The following SENP7 variants were observed in gnomAD, a reference collection of about 807,000 sequenced individuals.
SENP7 encodes SUMO specific peptidase 7, also known as sentrin-specific protease 7.
A neutral mutation model predicts 141.2 loss-of-function variants in SENP7; 64 were observed. That is an observed-to-expected ratio of 0.45 (90% CI 0.37 to 0.56). The LOEUF (loss-of-function observed/expected upper bound fraction) is 0.56. Among genes scored for constraint, SENP7 ranks in the 20% least tolerant of loss-of-function variants. The pLI is 0.00. For missense variants in SENP7, 1,025 were observed against 1,212.2 expected, an observed-to-expected ratio of 0.85 and a Z score of 2.29; for synonymous variants, 382 against 426.4, an observed-to-expected ratio of 0.90 and a Z score of 1.28.
At chr3:101,476,177 T>G (rs1051355215) in intron 3 of SENP7, among the ~76,000 whole-genome samples, 1 of 152,144 alleles carries the variant, frequency 6.6e-6, no homozygotes, top group African/African-American at 2.4e-5. Flanking sequence ...AGTATACATG[T>G]GCCATGGTGG....
At chr3:101,450,518 A>G (rs2063088087) in intron 4 of SENP7, among the ~76,000 whole-genome samples, 1 of 152,228 alleles carries the variant, frequency 6.6e-6, no homozygotes, top group South Asian at 2.1e-4. Flanking sequence ...ACTGTCTCTC[A>G]GACCACAGTG....
Position 101,407,447 on chromosome 3 carries a change from T to C in SENP7, c.483-8392A>G, listed in dbSNP as rs186410302. On this transcript the variant is annotated intron_variant, in intron 5 of 23. Transcript: ENST00000394095. ...CTGGAACAAATGGACTTAATGGATA[T>C]ATACAGAACATTCCATCCAACAACC... is the stretch of plus-strand genomic sequence containing the variant. Among the ~76,000 whole-genome samples the C allele has an allele frequency of 6.1e-3, 923 of 152,320 alleles. 4 individuals are homozygous for C. The highest frequency in any genetic ancestry group is 9.9e-3 in the Non-Finnish European group (672 of 68,020).
chr3:101,509,118 C>T (rs1194071779), intron 1 of SENP7, among the ~76,000 whole-genome samples: 1 of 152,024 alleles, frequency 6.6e-6, no homozygotes, highest in Non-Finnish European at 1.5e-5. Flanking sequence ...TATCTCCTAC[C>T]TGATATATAT....
Position 101,450,157 on chromosome 3 carries a change from G to A in SENP7, c.284+8798C>T, listed in dbSNP as rs535879143. ...TAAAGGGATCAATTCAACAAGAAGA[G>A]CTAACTATCCTAAATATATATGCAC... On this transcript the variant is annotated intron_variant, in intron 4 of 23. Coordinates refer to ENST00000394095, the MANE Select transcript of SENP7 (RefSeq NM_020654.5). Among the ~76,000 whole-genome samples, 328 of 152,276 alleles carry A rather than the reference G, an allele frequency of 2.2e-3. 2 individuals carry two copies. The highest frequency in any genetic ancestry group is 7.2e-3 in the African/African-American group (301 of 41,544).
intron 3 of SENP7, among the ~76,000 whole-genome samples, chr3:101,486,086 C>T (rs2064716019): frequency 6.6e-6 from 1 of 152,118 alleles, no homozygotes; most frequent in Non-Finnish European, 1.5e-5. Context: ...AAAATATGAA[C>T]AGAGTCTCCA....
chr3:101,348,518 C>T (rs564343713), intron 12 of SENP7, among the ~76,000 whole-genome samples: 1 of 152,182 alleles, frequency 6.6e-6, no homozygotes, highest in African/African-American at 2.4e-5. Flanking sequence ...TTGGTCAATA[C>T]TATATAAACC....
intron 13 of SENP7, among the ~76,000 whole-genome samples, chr3:101,345,296 T>C (rs113534858): frequency 0.024 from 3,606 of 152,260 alleles, 143 homozygotes; most frequent in African/African-American, 0.082. Flanking sequence ...TAGATTGCTT[T>C]TGGCAGTATG....
At chr3:101,337,910 T>C (rs1238950935) in intron 16 of SENP7, among the ~76,000 whole-genome samples, 2 of 152,042 alleles carry the variant, frequency 1.3e-5, no homozygotes. Flanking sequence ...ATCCAAGCAC[T>C]TTGGGAGGCC....
In SENP7 at chr3:101,337,590, C is replaced by T. The variant is rs1477195790; in HGVS notation, c.2399G>A (p.Arg800Gln). Residue 800 changes from arginine (R) to glutamine (Q), a missense_variant, in exon 17 of 24, where the codon CGA (arginine) becomes CAA (glutamine). Transcript: ENST00000394095. ...GAAAAAGCTACTAAAAATGTGACTT[C>T]GTTCAACAAGTTCATCTGATGCCTT... ...LEKASDELVE[R>Q]SHIFSSFFYK... The T allele has an allele frequency of 3.1e-6, 5 of 1,604,256 alleles. No individual in the cohort carries two copies. The highest frequency in any genetic ancestry group is 2.2e-5 in the East Asian group (1 of 44,538).
At chr3:101,508,035 G>A (rs1052166044) in intron 1 of SENP7, among the ~76,000 whole-genome samples, 3 of 109,770 alleles carry the variant, frequency 2.7e-5, no homozygotes, top group African/African-American at 3.8e-5. Context: ...GCGACAGAGC[G>A]AGACTCCATC....
chr3:101,328,810 T>C lies in SENP7; in HGVS notation c.2752-121A>G, dbSNP rs2107188114. On this transcript the variant is annotated intron_variant, in intron 20 of 23. Transcript: ENST00000394095. ...AAATTTCAAGTAATAGTTATCTTCA[T>C]CATCAAAAGTGAGCTAACTTCATTT... 4.2e-6 allele frequency: 3 copies of C among 719,310 alleles called. No individual in the cohort carries two copies. The Admixed American group carries it at 8.0e-5, about 19-fold the overall frequency. 44.6% of individuals were successfully genotyped at this position (719,310 alleles called of 1,614,324 possible).
chr3:101,454,191 T>A (rs774766306), intron 4 of SENP7, among the ~76,000 whole-genome samples: 3 of 152,178 alleles, frequency 2.0e-5, no homozygotes, highest in East Asian at 1.9e-4. Flanking sequence ...CTAATCCTAG[T>A]TATCTATTCA....
chr3:101,469,830 CAAAAAAAAA>C lies in SENP7; in HGVS notation c.187-10787_187-10779del, dbSNP rs58498056. 5.7e-4 allele frequency among the ~76,000 whole-genome samples: 14 copies of C among 24,734 alleles called. 4 individuals are homozygous for C. The South Asian group carries it at 0.018, about 31-fold the overall frequency. The allele number at this position is 24,734 out of a possible 152,430, so 16.2% of individuals were successfully genotyped here. ...TGGGCGACAGAGCAAGACTCCGTCT[CAAAAAAAAA>C]AAAAAAAAAAAAAGAACAGAAATCA... On this transcript the variant is annotated intron_variant, in intron 3 of 23. Coordinates refer to ENST00000394095, the MANE Select transcript of SENP7 (RefSeq NM_020654.5).
chr3:101,377,809 AT>A (rs1488305174), intron 6 of SENP7, among the ~76,000 whole-genome samples: 8 of 152,238 alleles, frequency 5.3e-5, no homozygotes, highest in Non-Finnish European at 1.0e-4. Context: ...GAGAAGGGAA[AT>A]ATCTAACTTC....
intron 4 of SENP7, among the ~76,000 whole-genome samples, chr3:101,418,155 T>C (rs1250527685): frequency 1.3e-5 from 2 of 152,210 alleles, no homozygotes; most frequent in African/African-American, 2.4e-5. Flanking sequence ...AAATGTGTTT[T>C]TGTTTTAGCA....
At chr3:101,396,806 T>C (rs2060980646) in intron 6 of SENP7, among the ~76,000 whole-genome samples, 1 of 152,194 alleles carries the variant, frequency 6.6e-6, no homozygotes, top group Admixed American at 6.5e-5. Flanking sequence ...ACAGCTATAC[T>C]GCAACGTGGA....
In SENP7 at chr3:101,411,360, T is replaced by C. The variant is rs1319359718; in HGVS notation, c.482+6233A>G. ...GCTCTGCAATCTTGATAAAAAATCTTATTAGATGTTTGCAATTTTCAATAT... is the reference window on the plus strand; with the variant it reads ...GCTCTGCAATCTTGATAAAAAATCTCATTAGATGTTTGCAATTTTCAATAT... On this transcript the variant is annotated intron_variant, in intron 5 of 23. Transcript: ENST00000394095. 3.9e-5 allele frequency among the ~76,000 whole-genome samples: 6 copies of C among 152,210 alleles called. No homozygotes were observed. In the East Asian group the frequency reaches 1.2e-3, roughly 29 times the overall value.
chr3:101,492,151 G>A (rs1047272141), intron 3 of SENP7, among the ~76,000 whole-genome samples: 10 of 151,782 alleles, frequency 6.6e-5, no homozygotes, highest in East Asian at 1.9e-4. Context: ...TAAACCCAGC[G>A]CTTCAGGAGG....
At position 101,380,825 on chromosome 3, in the gene SENP7, C is replaced by A. The variant is rs187813171; in HGVS notation, c.678-8699G>T. Among the ~76,000 whole-genome samples the A allele has an allele frequency of 3.3e-5, 5 of 152,012 alleles. No homozygotes were observed. The East Asian group carries it at 9.6e-4, about 29-fold the overall frequency. ...GGCAACACATATAAAATGAAAATGT[C>A]CAAAGGAGCATTGTTTATGAGAGAA... On this transcript the variant is annotated intron_variant, in intron 6 of 23. Transcript: ENST00000394095.
Sources: gnomAD v4.1 joint callset for allele counts (sites outside exome capture counted in the v4.1 genomes callset) on GRCh38, gnomAD v4.1.1 for gene constraint, MANE v1.5 for transcripts, NCBI Gene and HGNC (gene_info 2026-07-23, HGNC 2026-07-21) for gene names.